The following SUPT7L variants were observed in gnomAD, a reference collection of about 807,000 sequenced individuals.
SUPT7L encodes SPT7 like, STAGA complex subunit gamma.
A neutral mutation model predicts 35.7 loss-of-function variants in SUPT7L; 15 were observed. That is an observed-to-expected ratio of 0.42 (90% CI 0.28 to 0.65). SUPT7L has a LOEUF of 0.65. SUPT7L is among the 30% of genes least tolerant of loss of function. The pLI is 0.23. For synonymous variants in SUPT7L, 168 were observed against 186.2 expected (o/e 0.90, Z 0.79); for missense variants, 434 against 522.2 (o/e 0.83, Z 1.65).
intron 4 of SUPT7L, among the ~76,000 whole-genome samples, chr2:27,656,878 A>G (rs1674829906): frequency 6.6e-6 from 1 of 152,146 alleles, no homozygotes; most frequent in Non-Finnish European, 1.5e-5. Flanking sequence ...GCCTCAAGCA[A>G]TCCTCCCACC....
chr2:27,647,903 T>G (rs745744892), downstream of SUPT7L: 1 of 1,613,582 alleles, frequency 6.2e-7, no homozygotes, highest in Admixed American at 1.7e-5. Flanking sequence ...ATGAAGAGGA[T>G]GAGGAAGCAG....
Position 27,655,531 on chromosome 2 carries a change from A to G in SUPT7L, c.816T>C (p.Pro272=), listed in dbSNP as rs557704862. ...TCACAGGTTCCTCCTTGATCTTCAC[A>G]GGTTTAGCGTCCTCTGTGGCCTTCT... ...NPEKATEDAK[P]VKIKEEPVSD... Residue 272 remains proline, a synonymous_variant, in exon 5 of 6, where the codon CCT becomes CCC. Coordinates refer to ENST00000337768, the MANE Select transcript of SUPT7L (RefSeq NM_014860.3). 1.9e-5 allele frequency: 30 copies of G among 1,614,086 alleles called. No individual in the cohort carries two copies. The East Asian group carries it at 6.7e-4, about 36-fold the overall frequency.
At chr2:27,648,426 G>T (rs774026141), downstream of SUPT7L, among the ~76,000 whole-genome samples, 2 of 152,116 alleles carry the variant, frequency 1.3e-5, no homozygotes, top group African/African-American at 2.4e-5. Context: ...GGCTGAGGTG[G>T]GTGGGTTGCT....
chr2:27,649,961 T>C (rs1169967603), downstream of SUPT7L, among the ~76,000 whole-genome samples: 1 of 152,222 alleles, frequency 6.6e-6, no homozygotes, highest in Admixed American at 6.5e-5. Context: ...GGCAGCATGA[T>C]AGAGCATGCT....
chr2:27,645,028 C>T, the SUPT7L span, among the ~76,000 whole-genome samples: 8 of 152,068 alleles, frequency 5.3e-5, no homozygotes, highest in South Asian at 2.1e-4. Flanking sequence ...AGTGCAGTGG[C>T]GCAATCATAG....
At chr2:27,643,280 A>G in the SUPT7L span, among the ~76,000 whole-genome samples, 2 of 151,582 alleles carry the variant, frequency 1.3e-5, no homozygotes, top group South Asian at 4.2e-4. This position sits in a 1 kb window ranked among gnomAD's most constrained non-coding sequence, Gnocchi z 4.0. Flanking sequence ...TAATTATTCT[A>G]TCAGATTCCC....
chr2:27,660,297 C>G (rs1014122392), intron 3 of SUPT7L, among the ~76,000 whole-genome samples: 2 of 151,428 alleles, frequency 1.3e-5, no homozygotes, highest in Admixed American at 6.6e-5. Context: ...GTGGAGTGAT[C>G]TGCAATCTCT....
At chr2:27,662,549 C>T (rs780108713) in intron 1 of SUPT7L, among the ~76,000 whole-genome samples, 2 of 152,180 alleles carry the variant, frequency 1.3e-5, no homozygotes, top group Non-Finnish European at 2.9e-5. Context: ...TTTTTAAGTA[C>T]AGCATAAGTC....
chr2:27,658,270 G>A (rs1247409721), intron 3 of SUPT7L, among the ~76,000 whole-genome samples: 3 of 152,120 alleles, frequency 2.0e-5, no homozygotes, highest in Non-Finnish European at 4.4e-5. Flanking sequence ...AATGGGTAGG[G>A]TCTGTATTAT....
the SUPT7L span, among the ~76,000 whole-genome samples, chr2:27,643,111 A>G: frequency 3.3e-5 from 5 of 151,504 alleles, no homozygotes; most frequent in East Asian, 7.7e-4. The surrounding 1 kb of genome is among the most constrained non-coding windows in gnomAD (Gnocchi z 4.0). Flanking sequence ...TTACTTTGGC[A>G]ATATACTTGA....
chr2:27,645,636 T>C, the SUPT7L span, among the ~76,000 whole-genome samples: 1 of 152,162 alleles, frequency 6.6e-6, no homozygotes, highest in Admixed American at 6.5e-5. Flanking sequence ...GTTTTTCTTA[T>C]TTCTTTTTAA....
rs890138738 is a variant in SUPT7L at position 27,652,522 on chromosome 2, T to A, written c.*963A>T. On this transcript the variant is annotated 3_prime_UTR_variant, in exon 6 of 6. Transcript: ENST00000337768. ...TTAATAAATACTGATTCAGTACTTATATATACAGATAGTCTGATGGATGAG... is the reference window on the plus strand; with the variant it reads ...TTAATAAATACTGATTCAGTACTTAAATATACAGATAGTCTGATGGATGAG... The A allele has an allele frequency of 6.6e-6, 1 of 152,474 alleles. No homozygotes were observed. The highest frequency in any genetic ancestry group is 1.5e-5 in the Non-Finnish European group (1 of 68,050). The allele number at this position is 152,474 out of a possible 1,614,324, so 9.4% of individuals were successfully genotyped here. A position where few individuals can be genotyped will look rare whatever the true frequency, so the allele number is the denominator to read the frequency against.
intron 3 of SUPT7L, among the ~76,000 whole-genome samples, chr2:27,659,909 C>T (rs1674969605): frequency 6.6e-6 from 1 of 151,882 alleles, no homozygotes; most frequent in South Asian, 2.1e-4. Context: ...TGTTTGTTGA[C>T]TATTACACAT....
At chr2:27,643,374 A>G in the SUPT7L span, among the ~76,000 whole-genome samples, 1 of 152,034 alleles carries the variant, frequency 6.6e-6, no homozygotes, top group South Asian at 2.1e-4. This position sits in a 1 kb window ranked among gnomAD's most constrained non-coding sequence, Gnocchi z 4.0. Flanking sequence ...TTTTTCCTGA[A>G]TCATTTGAGT....
At chr2:27,647,605 TC>T (rs1674299861), downstream of SUPT7L, among the ~76,000 whole-genome samples, 1 of 152,196 alleles carries the variant, frequency 6.6e-6, no homozygotes. Context: ...ATTATTTCCC[TC>T]AGCTTAAAAA....
intron 3 of SUPT7L, among the ~76,000 whole-genome samples, chr2:27,660,137 T>C (rs1338345900): frequency 6.6e-6 from 1 of 152,102 alleles, no homozygotes; most frequent in Non-Finnish European, 1.5e-5. Flanking sequence ...GGCCTGAGAT[T>C]CTGCATATCT....
In SUPT7L at chr2:27,655,491, G is replaced by C; in HGVS notation, c.856C>G (p.Pro286Ala). ...KEEPVSDITF[P>A]VSEELEADLA... ...TCAGCCTCCAGCTCCTCACTGACAG[G>C]AAAAGTGATGTCGCTCACAGGTTCC... Residue 286 changes from proline (P) to alanine (A), a missense_variant, in exon 5 of 6, where the codon CCT becomes GCT. Transcript: ENST00000337768. The C allele has an allele frequency of 6.2e-7, 1 of 1,614,124 alleles. No homozygotes were observed. Among genetic ancestry groups the C allele is most frequent in the Non-Finnish European group, 8.5e-7 (1 of 1,180,004 alleles).
the SUPT7L span, among the ~76,000 whole-genome samples, chr2:27,643,512 TA>T: frequency 6.6e-6 from 1 of 152,184 alleles, no homozygotes; most frequent in Non-Finnish European, 1.5e-5. The surrounding 1 kb of genome is among the most constrained non-coding windows in gnomAD (Gnocchi z 4.0). Flanking sequence ...CATAATACTA[TA>T]ATATTAGCTA....
intron 3 of SUPT7L, among the ~76,000 whole-genome samples, chr2:27,659,529 G>A (rs1247297395): frequency 6.6e-6 from 1 of 152,094 alleles, no homozygotes; most frequent in African/African-American, 2.4e-5. Flanking sequence ...ATGAATCTTT[G>A]TTAGATCCTG....
Sources: gnomAD v4.1 joint callset for allele counts (sites outside exome capture counted in the v4.1 genomes callset) on GRCh38, gnomAD v4.1.1 for gene constraint, Gnocchi (gnomAD v3.1) non-coding constraint, MANE v1.5 for transcripts, NCBI Gene and HGNC (gene_info 2026-07-23, HGNC 2026-07-21) for gene names.